The following PLEKHD1 variants were observed in gnomAD, a reference collection of about 807,000 sequenced individuals.
PLEKHD1 encodes the protein pleckstrin homology domain-containing family D member 1.
In PLEKHD1, 51 loss-of-function variants were observed where a neutral mutation model predicts 69.2. The ratio of observed to expected loss-of-function variants is 0.74; its 90% CI spans 0.59 to 0.93. The LOEUF (loss-of-function observed/expected upper bound fraction) is 0.93. Among genes scored for constraint, PLEKHD1 ranks in the 40% least tolerant of loss-of-function variants. PLEKHD1 has a pLI of 0.00. For missense variants in PLEKHD1, 584 were observed against 641.0 expected (o/e 0.91, Z 0.96); for synonymous variants, 236 against 244.7 (o/e 0.96, Z 0.33).
upstream of PLEKHD1, among the ~76,000 whole-genome samples, chr14:69,484,043 G>A (rs1882596024): frequency 2.6e-5 from 4 of 152,202 alleles, no homozygotes; most frequent in South Asian, 8.3e-4. Flanking sequence ...GCCAAATGCC[G>A]ACACAGACAC....
chr14:69,490,004 T>C (rs941239273), intron 1 of PLEKHD1, among the ~76,000 whole-genome samples: 7 of 152,170 alleles, frequency 4.6e-5, no homozygotes, highest in African/African-American at 1.7e-4. Context: ...TTAGCTGGGA[T>C]CACAGGCATG....
In PLEKHD1 at chr14:69,530,576, A is replaced by G. The variant is rs1339869092; in HGVS notation, c.*2157A>G. The G allele has an allele frequency of 6.6e-6, 1 of 152,166 alleles. No homozygotes were observed. The highest frequency in any genetic ancestry group is 1.9e-4 in the East Asian group (1 of 5,192). 9.4% of individuals were successfully genotyped at this position (152,166 alleles called of 1,614,324 possible). Reference sequence around the variant, plus strand: ...TGCATTTGTTTTTCTTGGGCGAGCTATTAACCAGACAGGAAAGTGCTAGTC... The same window carrying G: ...TGCATTTGTTTTTCTTGGGCGAGCTGTTAACCAGACAGGAAAGTGCTAGTC... On this transcript the variant is annotated 3_prime_UTR_variant, in exon 13 of 13. Coordinates refer to ENST00000322564, the MANE Select transcript of PLEKHD1 (RefSeq NM_001161498.2).
intron 1 of PLEKHD1, among the ~76,000 whole-genome samples, chr14:69,494,906 C>A (rs1454265001): frequency 2.6e-5 from 4 of 152,178 alleles, no homozygotes. Context: ...TAGAAATTTG[C>A]TTGCCAGGTG....
Position 69,530,806 on chromosome 14 carries a change from TAACA to T in PLEKHD1, c.*2391_*2394del, listed in dbSNP as rs1883773819. ...AAGAGGGGCCAAACTTATTCTTTTA[TAACA>T]AACCCACCCCCTCGATAATGACATT... On this transcript the variant is annotated 3_prime_UTR_variant, in exon 13 of 13. Coordinates refer to ENST00000322564, the MANE Select transcript of PLEKHD1 (RefSeq NM_001161498.2). 1 of 152,224 alleles carries T rather than the reference TAACA, an allele frequency of 6.6e-6. No individual in the cohort carries two copies. Among genetic ancestry groups the T allele is most frequent in the African/African-American group, 2.4e-5 (1 of 41,456 alleles). The allele number at this position is 152,224 out of a possible 1,614,324, so 9.4% of individuals were successfully genotyped here.
chr14:69,515,443 G>A (rs1883363859), intron 6 of PLEKHD1, among the ~76,000 whole-genome samples: 1 of 151,798 alleles, frequency 6.6e-6, no homozygotes, highest in Non-Finnish European at 1.5e-5. Flanking sequence ...GGTTTCTGCT[G>A]GTAGTTTCTG....
chr14:69,487,182 AACACACACACACACACACACACACACAC>A (rs199671230), intron 1 of PLEKHD1, among the ~76,000 whole-genome samples: 5 of 140,356 alleles, frequency 3.6e-5, no homozygotes, highest in Non-Finnish European at 3.1e-5. Context: ...GGGAATACAC[AACACACACACACACACACACACACACAC>A]ACACACACAC....
At chr14:69,496,002 G>C (rs76311539) in intron 1 of PLEKHD1, among the ~76,000 whole-genome samples, 11,003 of 152,294 alleles carry the variant, frequency 0.072, 568 homozygotes, top group South Asian at 0.17. Flanking sequence ...CCAACACCTA[G>C]AGCAGTGCTT....
chr14:69,498,641 C>CTCTTCTCTTCTCT (rs1882949737), intron 1 of PLEKHD1, among the ~76,000 whole-genome samples: 1 of 143,992 alleles, frequency 6.9e-6, no homozygotes. Context: ...CTCTTCTCTT[C>CTCTTCTCTTCTCT]TCTTCTCTTC....
chr14:69,472,778 A>G, the PLEKHD1 span, among the ~76,000 whole-genome samples: 8 of 152,142 alleles, frequency 5.3e-5, no homozygotes, highest in African/African-American at 1.9e-4. Context: ...AGTGCACTCT[A>G]TGGCAGGGGT....
chr14:69,514,866 A>C (rs576771815), intron 6 of PLEKHD1, among the ~76,000 whole-genome samples: 1 of 152,222 alleles, frequency 6.6e-6, no homozygotes, highest in East Asian at 1.9e-4. Flanking sequence ...ACACTCTGAT[A>C]AAACAGGTTA....
At chr14:69,487,182 A>AACAC (rs199671230) in intron 1 of PLEKHD1, among the ~76,000 whole-genome samples, 15,480 of 140,254 alleles carry the variant, frequency 0.11, 856 homozygotes, top group Middle Eastern at 0.13. Flanking sequence ...GGGAATACAC[A>AACAC]ACACACACAC....
At chr14:69,500,383 TC>T (rs1208898024) in intron 2 of PLEKHD1, 175 bp downstream of exon 2, 4 of 700,062 alleles carry the variant, frequency 5.7e-6, no homozygotes, top group Non-Finnish European at 9.4e-6. Flanking sequence ...ACCCTCACTC[TC>T]CTGTGCCCCA....
At chr14:69,510,084 C>A (rs750106663) in intron 6 of PLEKHD1, among the ~76,000 whole-genome samples, 8 of 152,192 alleles carry the variant, frequency 5.3e-5, no homozygotes, top group Non-Finnish European at 1.2e-4. Flanking sequence ...ATCAATACCA[C>A]AATGTCTTGA....
the PLEKHD1 span, among the ~76,000 whole-genome samples, chr14:69,478,964 G>T: frequency 6.6e-6 from 1 of 152,176 alleles, no homozygotes; most frequent in African/African-American, 2.4e-5. Context: ...AGACTGTGAA[G>T]GGTGTTTGTA....
At chr14:69,495,817 C>T (rs1882876507) in intron 1 of PLEKHD1, among the ~76,000 whole-genome samples, 2 of 152,218 alleles carry the variant, frequency 1.3e-5, no homozygotes, top group Non-Finnish European at 1.5e-5. Flanking sequence ...GACATGGACC[C>T]ATGCCCACTC....
chr14:69,467,778 G>T, the PLEKHD1 span, among the ~76,000 whole-genome samples: 1 of 152,130 alleles, frequency 6.6e-6, no homozygotes, highest in Non-Finnish European at 1.5e-5. Flanking sequence ...AAAAAAAAAG[G>T]TGGGGATTTG....
At chr14:69,485,183 C>T in intron 1 of PLEKHD1, 69 bp downstream of exon 1, 2 of 1,486,198 alleles carry the variant, frequency 1.3e-6, no homozygotes, top group Non-Finnish European at 1.8e-6. Flanking sequence ...CCCTCCCACC[C>T]CCTCCAGTCG....
intron 1 of PLEKHD1, among the ~76,000 whole-genome samples, chr14:69,499,433 A>G (rs900378493): frequency 2.3e-4 from 35 of 152,224 alleles, no homozygotes; most frequent in Non-Finnish European, 2.9e-5. Flanking sequence ...TTGGTGGCTC[A>G]TCATAGCTCC....
At chr14:69,487,615 C>T (rs1462822226) in intron 1 of PLEKHD1, among the ~76,000 whole-genome samples, 1 of 152,232 alleles carries the variant, frequency 6.6e-6, no homozygotes, top group African/African-American at 2.4e-5. Context: ...ACCGCCCAAG[C>T]AGCCCTGCCT....
Sources: allele counts gnomAD v4.1 joint callset (sites outside exome capture counted in the v4.1 genomes callset), GRCh38; gene constraint gnomAD v4.1.1; transcripts MANE v1.5; gene names NCBI Gene and HGNC (gene_info 2026-07-23, HGNC 2026-07-21).